The following RBMS3 variants were observed in gnomAD, a reference collection of about 807,000 sequenced individuals.
RBMS3 encodes RNA binding motif single stranded interacting protein 3.
RBMS3 carries 27 observed loss-of-function variants against 66.8 expected under a neutral mutation model. The observed-to-expected ratio is 0.40, with a 90% CI of 0.30 to 0.56. RBMS3 has a LOEUF of 0.56. Ranked by LOEUF, RBMS3 falls within the 20% of genes least tolerant of loss-of-function variation. The pLI is 0.40. For missense variants in RBMS3, 513 were observed against 549.5 expected (o/e 0.93, Z 0.66); for synonymous variants, 188 against 183.0 (o/e 1.03, Z -0.22).
At chr3:29,680,162 G>A (rs1231674248) in intron 4 of RBMS3, among the ~76,000 whole-genome samples, 1 of 152,134 alleles carries the variant, frequency 6.6e-6, no homozygotes, top group African/African-American at 2.4e-5. Flanking sequence ...CAGAACAGTC[G>A]TTTATCAGCC....
intron 1 of RBMS3, among the ~76,000 whole-genome samples, chr3:29,425,618 A>G (rs1197308624): frequency 6.6e-6 from 1 of 152,138 alleles, no homozygotes; most frequent in African/African-American, 2.4e-5. Context: ...AGCCTGGGTG[A>G]CAGAGCAAGA....
chr3:29,943,829 A>G (rs1398502167), intron 11 of RBMS3, among the ~76,000 whole-genome samples: 1 of 151,584 alleles, frequency 6.6e-6, no homozygotes, highest in African/African-American at 2.4e-5. Context: ...GTTCTCCAGG[A>G]CTTTGTTTCG....
chr3:29,826,382 A>G (rs1001646372), intron 6 of RBMS3, among the ~76,000 whole-genome samples: 2 of 152,110 alleles, frequency 1.3e-5, no homozygotes, highest in Non-Finnish European at 2.9e-5. Flanking sequence ...CTTCAGTGCC[A>G]CATTAATTAT....
At chr3:29,609,426 G>T (rs978773524) in intron 4 of RBMS3, among the ~76,000 whole-genome samples, 1 of 151,940 alleles carries the variant, frequency 6.6e-6, no homozygotes, top group African/African-American at 2.4e-5. Context: ...CAGTGATTCT[G>T]GGCATCCTAA....
intron 4 of RBMS3, among the ~76,000 whole-genome samples, chr3:29,625,712 A>G (rs62237674): frequency 2.7e-4 from 34 of 128,244 alleles, no homozygotes; most frequent in South Asian, 1.5e-3. Context: ...AAATAAATAA[A>G]TAAATAAATA....
intron 5 of RBMS3, among the ~76,000 whole-genome samples, chr3:29,750,117 A>G: frequency 6.6e-6 from 1 of 152,332 alleles, no homozygotes; most frequent in Non-Finnish European, 1.5e-5. Context: ...CTATCAGTTC[A>G]GTAAATTGAA....
At chr3:29,412,951 C>G (rs1031355838) in intron 1 of RBMS3, among the ~76,000 whole-genome samples, 1 of 152,216 alleles carries the variant, frequency 6.6e-6, no homozygotes, top group Admixed American at 6.5e-5. Flanking sequence ...AGGCAGTAGA[C>G]TGCTCATTTT....
At chr3:29,329,030 T>A (rs1474411479) in intron 1 of RBMS3, among the ~76,000 whole-genome samples, 8 of 152,200 alleles carry the variant, frequency 5.3e-5, no homozygotes. Flanking sequence ...TTATTAATTT[T>A]CTGCAATTTA....
intron 4 of RBMS3, among the ~76,000 whole-genome samples, chr3:29,646,732 G>T (rs1576430989): frequency 1.4e-5 from 2 of 139,444 alleles, no homozygotes; most frequent in Admixed American, 7.5e-5. Context: ...TCCCTTCCCT[G>T]TCTCCTATTC....
intron 8 of RBMS3, among the ~76,000 whole-genome samples, chr3:29,896,856 A>G (rs1040176923): frequency 6.6e-6 from 1 of 151,576 alleles, no homozygotes; most frequent in Non-Finnish European, 1.5e-5. Flanking sequence ...TCCAGAAAAC[A>G]TTCCCATTCC....
chr3:29,549,208 G>A lies in RBMS3; in HGVS notation c.308-37906G>A, dbSNP rs998267764. ...CCAGTTCTTTCTATTGCCAATATTT[G>A]TGCCTTCTTTGTGTCTCTCAGTGAC... On this transcript the variant is annotated intron_variant, in intron 3 of 14. Transcript: ENST00000383767. Among the ~76,000 whole-genome samples the A allele has an allele frequency of 3.3e-5, 5 of 149,544 alleles. No individual in the cohort carries two copies. The Admixed American group carries it at 3.4e-4, about 10-fold the overall frequency.
At chr3:29,493,493 C>T (rs78441779) in intron 3 of RBMS3, among the ~76,000 whole-genome samples, 11,695 of 152,126 alleles carry the variant, frequency 0.077, 532 homozygotes, top group East Asian at 0.16. Flanking sequence ...AAATGTTTGA[C>T]GATATCTCCT....
intron 5 of RBMS3, among the ~76,000 whole-genome samples, chr3:29,760,031 A>G (rs1257444149): frequency 6.6e-6 from 1 of 152,080 alleles, no homozygotes; most frequent in Non-Finnish European, 1.5e-5. Flanking sequence ...CCCAAAGTGA[A>G]CAATCTACTC....
chr3:29,763,091 G>A, intron 6 of RBMS3, 102 bp downstream of exon 6: 1 of 737,360 alleles, frequency 1.4e-6, no homozygotes, highest in Non-Finnish European at 2.2e-6. Flanking sequence ...GCAGAGTTGG[G>A]GGGTTTGCTT....
chr3:29,338,828 A>G (rs151338274), intron 1 of RBMS3, among the ~76,000 whole-genome samples: 16 of 152,226 alleles, frequency 1.1e-4, no homozygotes, highest in African/African-American at 3.9e-4. Flanking sequence ...GAACCACCGT[A>G]TCAGCTATTA....
intron 4 of RBMS3, among the ~76,000 whole-genome samples, chr3:29,600,239 T>G (rs1435901636): frequency 6.6e-6 from 1 of 152,050 alleles, no homozygotes; most frequent in African/African-American, 2.4e-5. Context: ...TCAAACCTCA[T>G]GCTGAAATTC....
chr3:29,873,844 TC>T (rs2059547841), intron 7 of RBMS3, among the ~76,000 whole-genome samples: 1 of 152,208 alleles, frequency 6.6e-6, no homozygotes, highest in Non-Finnish European at 1.5e-5. Context: ...TTTGAGATAA[TC>T]AAGTGTTTTT....
At chr3:29,336,739 T>G (rs2035976561) in intron 1 of RBMS3, among the ~76,000 whole-genome samples, 1 of 152,128 alleles carries the variant, frequency 6.6e-6, no homozygotes, top group Non-Finnish European at 1.5e-5. Context: ...AACTGAAGCT[T>G]GCAAAGTTGA....
At chr3:29,389,878 A>G (rs1448794122) in intron 1 of RBMS3, among the ~76,000 whole-genome samples, 1 of 152,100 alleles carries the variant, frequency 6.6e-6, no homozygotes, top group African/African-American at 2.4e-5. Flanking sequence ...GTAGCTCCAG[A>G]ATTGCTTCAT....
Sources: allele counts gnomAD v4.1 joint callset (sites outside exome capture counted in the v4.1 genomes callset), GRCh38; gene constraint gnomAD v4.1.1; transcripts MANE v1.5; gene names NCBI Gene and HGNC (gene_info 2026-07-23, HGNC 2026-07-21).